ITGA4: variants seen among roughly 807,000 people sequenced by gnomAD.
The protein encoded by ITGA4 is integrin subunit alpha 4.
In ITGA4, 63 loss-of-function variants were observed where a neutral mutation model predicts 133.6. That is an observed-to-expected ratio of 0.47 (90% CI 0.38 to 0.58). The LOEUF (loss-of-function observed/expected upper bound fraction) is 0.58, where lower values mean the gene tolerates loss of function less well. Among genes scored for constraint, ITGA4 ranks in the 20% least tolerant of loss-of-function variants. The probability of loss-of-function intolerance (pLI) is 0.00; values close to 1 mark genes in which losing one functional copy is unlikely to be tolerated. For missense variants in ITGA4, 1,076 were observed against 1,252.7 expected (o/e 0.86, Z 2.13); for synonymous variants, 483 against 438.0 (o/e 1.10, Z -1.28).
Position 181,480,258 on chromosome 2 carries a change from GT to G in ITGA4, c.748del (p.Tyr250IlefsTer2). 2 of 1,423,602 alleles carry G rather than the reference GT, an allele frequency of 1.4e-6. No individual in the cohort carries two copies. Among genetic ancestry groups the G allele is most frequent in the South Asian group, 1.5e-5 (1 of 68,314 alleles). 88.2% of individuals were successfully genotyped at this position (1,423,602 alleles called of 1,614,324 possible). ...AAACAAAATCAAGTAAAATTTGGAAGTTATTTAGGTACTATAAAAATTGACA... is the reference window on the plus strand; with the variant it reads ...AAACAAAATCAAGTAAAATTTGGAAGTATTTAGGTACTATAAAAATTGACA... ...LDKQNQVKFG[S>X]YLGYSVGAGH... On this transcript the variant is annotated frameshift_variant, in exon 6 of 28. Transcript: ENST00000397033. LOFTEE classifies it high-confidence loss of function.
rs754996444 is a variant in ITGA4 at position 181,457,671 on chromosome 2, G to A, written c.17G>A (p.Arg6Lys). ...CGAGAGCGCATGGCTTGGGAAGCGA[G>A]GCGCGAACCCGGCCCCCGAAGGGCC... MAWEA[R>K]REPGPRRAAV... is the part of the protein sequence containing the mutation. The change falls in exon 1 of 28, where the codon AGG becomes AAG. Residue 6 changes from arginine to lysine, a missense_variant. Physicochemically the swap from Arg to Lys is conservative, Grantham distance 26. Transcript: ENST00000397033. The A allele has an allele frequency of 2.5e-6, 4 of 1,610,724 alleles. No individual in the cohort carries two copies. The highest frequency in any genetic ancestry group is 1.9e-4 in the Middle Eastern group (1 of 5,404).
At chr2:181,491,690 A>T (rs1217452152) in intron 10 of ITGA4, among the ~76,000 whole-genome samples, 2 of 152,184 alleles carry the variant, frequency 1.3e-5, no homozygotes, top group Non-Finnish European at 2.9e-5. Context: ...GATTAAAATA[A>T]ATTGCTGTCT....
intron 17 of ITGA4, among the ~76,000 whole-genome samples, chr2:181,517,462 C>T (rs1001799211): frequency 1.3e-5 from 2 of 151,978 alleles, no homozygotes; most frequent in Admixed American, 6.6e-5. Context: ...TCTGTATGTA[C>T]ACAGTACCTT....
intron 10 of ITGA4, among the ~76,000 whole-genome samples, chr2:181,491,738 T>C (rs1351002394): frequency 3.3e-5 from 5 of 152,112 alleles, no homozygotes; most frequent in Non-Finnish European, 5.9e-5. Flanking sequence ...CCCCACTCCT[T>C]CTTCTCACAT....
In ITGA4 at chr2:181,523,247, CAT is replaced by C. The variant is rs533093060; in HGVS notation, c.2074-184_2074-183del. On this transcript the variant is annotated intron_variant, in intron 18 of 27. Transcript: ENST00000397033. The surrounding 1 kb of genome is among the most constrained non-coding windows in gnomAD (Gnocchi z 4.2). ...ATATACATACATATATATACACATACATATATACACACATGCACACATATTTA... is the reference window on the plus strand; with the variant it reads ...ATATACATACATATATATACACATACATATACACACATGCACACATATTTA... The C allele has an allele frequency of 2.1e-6, 1 of 483,550 alleles. No homozygotes were observed. The highest frequency in any genetic ancestry group is 3.8e-6 in the Non-Finnish European group (1 of 265,630). The allele number at this position is 483,550 out of a possible 1,614,324, so 30.0% of individuals were successfully genotyped here.
chr2:181,485,127 G>A (rs915070154), intron 9 of ITGA4, among the ~76,000 whole-genome samples: 1 of 152,060 alleles, frequency 6.6e-6, no homozygotes, highest in Admixed American at 6.6e-5. Flanking sequence ...GGTTCCAAAG[G>A]CCAGCTTCAA....
chr2:181,523,588 C>T lies in ITGA4; in HGVS notation c.2169+56C>T. 1.1e-6 allele frequency: 1 copy of T among 931,534 alleles called. No individual in the cohort carries two copies. Among genetic ancestry groups the T allele is most frequent in the Non-Finnish European group, 1.7e-6 (1 of 576,568 alleles). 57.7% of individuals were successfully genotyped at this position (931,534 alleles called of 1,614,324 possible). A position where few individuals can be genotyped will look rare whatever the true frequency, so the allele number is the denominator to read the frequency against. Reference sequence around the variant, plus strand: ...ACTATCATGAATATTTTTTTCTATTCTTCCCTATCTTTAGGTTGCATAGAA... The same window carrying T: ...ACTATCATGAATATTTTTTTCTATTTTTCCCTATCTTTAGGTTGCATAGAA... On this transcript the variant is annotated intron_variant, in intron 19 of 27. Transcript: ENST00000397033. This position sits in a 1 kb window ranked among gnomAD's most constrained non-coding sequence, Gnocchi z 4.2.
chr2:181,460,744 T>C (rs1243087090), intron 2 of ITGA4, among the ~76,000 whole-genome samples: 1 of 152,174 alleles, frequency 6.6e-6, no homozygotes, highest in Non-Finnish European at 1.5e-5. Context: ...AAATCTATTA[T>C]CTGTATGTTA....
At chr2:181,470,661 C>T (rs956327877) in intron 2 of ITGA4, among the ~76,000 whole-genome samples, 1 of 152,058 alleles carries the variant, frequency 6.6e-6, no homozygotes, top group African/African-American at 2.4e-5. Context: ...GCCATGATCA[C>T]AAGCTGATCA....
In ITGA4 at chr2:181,519,580, G is replaced by A. The variant is rs72900352; in HGVS notation, c.1923-2611G>A. ...CAAAATTATTTTATTTGCATATTCC[G>A]AGGTTCATAAGAATAACTCTCAAAA... On this transcript the variant is annotated intron_variant, in intron 17 of 27. Transcript: ENST00000397033. Among the ~76,000 whole-genome samples, 570 of 152,144 alleles carry A rather than the reference G, an allele frequency of 3.7e-3. 1 individual carries two copies. Among genetic ancestry groups the A allele is most frequent in the Non-Finnish European group, 6.4e-3 (432 of 67,974 alleles).
chr2:181,476,045 C>G (rs1685669234), intron 4 of ITGA4: 1 of 694,200 alleles, frequency 1.4e-6, no homozygotes, highest in Non-Finnish European at 2.1e-6. Context: ...AAAACTTTGG[C>G]CAAGTATTTG....
At chr2:181,466,135 A>G (rs144400954) in intron 2 of ITGA4, among the ~76,000 whole-genome samples, 2 of 152,212 alleles carry the variant, frequency 1.3e-5, no homozygotes, top group East Asian at 3.9e-4. Flanking sequence ...CAGAGACCCC[A>G]AACCTAAAAT....
At chr2:181,524,385 A>T in intron 20 of ITGA4, 135 bp downstream of exon 20, 1 of 539,322 alleles carries the variant, frequency 1.9e-6, no homozygotes, top group Non-Finnish European at 3.2e-6. Flanking sequence ...TTTTAAAAGA[A>T]CCAAACAACA....
chr2:181,534,497 C>A, intron 26 of ITGA4, 127 bp downstream of exon 26: 3 of 670,476 alleles, frequency 4.5e-6, no homozygotes, highest in East Asian at 2.7e-5. Flanking sequence ...GGAGGGCCCC[C>A]AATACTTGGT....
In ITGA4 at chr2:181,493,497, T is replaced by A; in HGVS notation, c.1248+78T>A. ...AAAACTTCCAGGGTTTATGTGGACT[T>A]ATTTTTCTTAATTTTCTCATTCAAA... On this transcript the variant is annotated intron_variant, in intron 11 of 27. Transcript: ENST00000397033. 5.1e-6 allele frequency: 4 copies of A among 790,890 alleles called. 1 individual carries two copies. In the South Asian group the frequency reaches 7.2e-5, roughly 14 times the overall value. 49.0% of individuals were successfully genotyped at this position (790,890 alleles called of 1,614,324 possible).
chr2:181,484,652 C>G (rs1372113175), intron 9 of ITGA4, among the ~76,000 whole-genome samples: 1 of 152,086 alleles, frequency 6.6e-6, no homozygotes, highest in Non-Finnish European at 1.5e-5. Flanking sequence ...TGAAATGTAA[C>G]CAGGACTATA....
rs988402031 is a variant in ITGA4 at position 181,538,386 on chromosome 2, A to G, written c.*2859A>G. The G allele has an allele frequency of 8.5e-5, 52 of 614,872 alleles. No individual in the cohort carries two copies. Among genetic ancestry groups the G allele is most frequent in the Non-Finnish European group, 1.0e-4 (35 of 339,102 alleles). The allele number at this position is 614,872 out of a possible 1,614,324, so 38.1% of individuals were successfully genotyped here. Reference sequence around the variant, plus strand: ...AACAGAGCTGTAATCTAGAAAACTGAGAAGGTCTGATTGATAAATCATCAA... The same window carrying G: ...AACAGAGCTGTAATCTAGAAAACTGGGAAGGTCTGATTGATAAATCATCAA... On this transcript the variant is annotated 3_prime_UTR_variant, in exon 28 of 28. Transcript: ENST00000397033.
intron 9 of ITGA4, among the ~76,000 whole-genome samples, chr2:181,484,102 A>C (rs920444490): frequency 1.3e-5 from 2 of 152,118 alleles, no homozygotes; most frequent in African/African-American, 4.8e-5. Context: ...CTAACCACTA[A>C]GTGGCATTTA....
intron 2 of ITGA4, among the ~76,000 whole-genome samples, chr2:181,467,401 C>T (rs1196978833): frequency 5.3e-5 from 8 of 152,110 alleles, no homozygotes; most frequent in East Asian, 3.8e-4. Context: ...AGTACGATGA[C>T]GCAGGTAGAT....
Sources: allele counts gnomAD v4.1 joint callset (sites outside exome capture counted in the v4.1 genomes callset), GRCh38; gene constraint gnomAD v4.1.1; non-coding constraint Gnocchi (gnomAD v3.1); transcripts MANE v1.5; gene names NCBI Gene and HGNC (gene_info 2026-07-23, HGNC 2026-07-21).